The following RAD54L2 variants were observed in gnomAD, a reference collection of about 807,000 sequenced individuals.
The protein encoded by RAD54L2 is RAD54 like 2, also known as helicase ARIP4.
A neutral mutation model predicts 138.4 loss-of-function variants in RAD54L2; 27 were observed. The observed-to-expected ratio is 0.20, with a 90% CI of 0.14 to 0.27. The LOEUF (loss-of-function observed/expected upper bound fraction) is 0.27. Among genes scored for constraint, RAD54L2 ranks in the 10% least tolerant of loss-of-function variants. The probability of loss-of-function intolerance (pLI) is 1.00; values close to 1 mark genes in which losing one functional copy is unlikely to be tolerated. For synonymous variants in RAD54L2, 644 were observed against 723.2 expected, an observed-to-expected ratio of 0.89 and a Z score of 1.76; for missense variants, 1,396 against 1,890.2, an observed-to-expected ratio of 0.74 and a Z score of 4.85.
At chr3:51,630,441 A>G in intron 6 of RAD54L2, 53 bp downstream of exon 6, 1 of 1,512,898 alleles carries the variant, frequency 6.6e-7, no homozygotes. Flanking sequence ...TCATGCTGAG[A>G]TCGGCTATAC....
chr3:51,586,600 C>G (rs1699715527), intron 2 of RAD54L2, among the ~76,000 whole-genome samples: 1 of 147,230 alleles, frequency 6.8e-6, no homozygotes, highest in East Asian at 2.0e-4. Flanking sequence ...TGGAGTTTCA[C>G]TCTTGTTGCC....
intron 14 of RAD54L2, 112 bp from the exon 15 acceptor site, chr3:51,641,637 G>A (rs1701139116): frequency 3.0e-6 from 2 of 675,482 alleles, no homozygotes; most frequent in Admixed American, 2.7e-5. Flanking sequence ...TCTTTTCAGT[G>A]GTAGGTTGTG....
Position 51,638,436 on chromosome 3 carries a change from C to T in RAD54L2, c.1860+115C>T. 1 of 1,250,518 alleles carries T rather than the reference C, an allele frequency of 8.0e-7. No homozygotes were observed. The highest frequency in any genetic ancestry group is 2.8e-4 in the Middle Eastern group (1 of 3,578). The allele number at this position is 1,250,518 out of a possible 1,614,324, so 77.5% of individuals were successfully genotyped here. A position where few individuals can be genotyped will look rare whatever the true frequency, so the allele number is the denominator to read the frequency against. On this transcript the variant is annotated intron_variant, in intron 12 of 22. Coordinates refer to ENST00000684192, the MANE Select transcript of RAD54L2 (RefSeq NM_015106.4). The surrounding 1 kb of genome is among the most constrained non-coding windows in gnomAD (Gnocchi z 4.3). Reference sequence around the variant, plus strand: ...GGGAGAATAAAGTGAGAGGGGGCCACCTCAGTTCACTGCACTGGAGGTTTG... The same window carrying T: ...GGGAGAATAAAGTGAGAGGGGGCCATCTCAGTTCACTGCACTGGAGGTTTG...
At position 51,638,292 on chromosome 3, in the gene RAD54L2, C is replaced by A; in HGVS notation, c.1831C>A (p.Pro611Thr). 1 of 1,613,916 alleles carries A rather than the reference C, an allele frequency of 6.2e-7. No individual in the cohort carries two copies. Among genetic ancestry groups the A allele is most frequent in the Non-Finnish European group, 8.5e-7 (1 of 1,179,890 alleles). ...TAGCAGCGGTTGGCTGGGGCTGAAC[C>A]CCCTTAAGGCATTCTGTGTGTGTTG... is the stretch of plus-strand genomic sequence containing the variant. ...CGSSGWLGLN[P>T]LKAFCVCCKI... The change falls in exon 12 of 23, where the codon CCC becomes ACC. Residue 611 changes from proline to threonine, a missense_variant. By Grantham distance (38) the Pro-to-Thr change is conservative. Transcript: ENST00000684192. The surrounding 1 kb of genome is among the most constrained non-coding windows in gnomAD (Gnocchi z 4.3).
At chr3:51,563,350 C>G (rs1470523479) in intron 2 of RAD54L2, among the ~76,000 whole-genome samples, 2 of 152,220 alleles carry the variant, frequency 1.3e-5, no homozygotes, top group Non-Finnish European at 2.9e-5. Flanking sequence ...TCTTCTTCCT[C>G]CTTTTTAAAC....
chr3:51,587,076 C>A (rs1361888532), intron 2 of RAD54L2, among the ~76,000 whole-genome samples: 1 of 151,334 alleles, frequency 6.6e-6, no homozygotes, highest in African/African-American at 2.4e-5. Context: ...ATTAAATGAA[C>A]CAGTGACACA....
chr3:51,641,902 G>T (rs751065204), intron 15 of RAD54L2, 35 bp downstream of exon 15: 3 of 1,430,260 alleles, frequency 2.1e-6, no homozygotes, highest in Non-Finnish European at 2.9e-6. Flanking sequence ...TGAAGCCTTG[G>T]CAAGGTCTGC....
At chr3:51,600,280 T>G (rs1700052977) in intron 3 of RAD54L2, among the ~76,000 whole-genome samples, 1 of 152,132 alleles carries the variant, frequency 6.6e-6, no homozygotes. Flanking sequence ...TCTATATAGC[T>G]TCAGTGGGAC....
intron 19 of RAD54L2, 123 bp downstream of exon 19, chr3:51,646,604 C>G: frequency 1.9e-6 from 2 of 1,057,220 alleles, no homozygotes; most frequent in Non-Finnish European, 2.7e-6. Flanking sequence ...TTGACAGGCT[C>G]TGCTCTAGGG....
At position 51,601,854 on chromosome 3, in the gene RAD54L2, T is replaced by G. The variant is rs559565902; in HGVS notation, c.139+11295T>G. Among the ~76,000 whole-genome samples, 11 of 152,026 alleles carry G rather than the reference T, an allele frequency of 7.2e-5. No individual in the cohort carries two copies. The East Asian group carries it at 1.9e-3, about 27-fold the overall frequency. On this transcript the variant is annotated intron_variant, in intron 3 of 22. Transcript: ENST00000684192. ...TTTATCCATTTCATGTGTTTTTTTG[T>G]TTTTTTGTTGTTTTTTTTTTCGAGA...
At chr3:51,657,820 T>C (rs562276403) in intron 21 of RAD54L2, among the ~76,000 whole-genome samples, 151 bp downstream of exon 21, 2 of 152,092 alleles carry the variant, frequency 1.3e-5, no homozygotes, top group South Asian at 2.1e-4. Context: ...AAATAGCATT[T>C]GTAGGAGCTT....
At chr3:51,588,303 G>A (rs1699755288) in intron 2 of RAD54L2, among the ~76,000 whole-genome samples, 1 of 151,832 alleles carries the variant, frequency 6.6e-6, no homozygotes, top group South Asian at 2.1e-4. Flanking sequence ...GGGAGGCTGA[G>A]GCGGGAGGAT....
chr3:51,626,273 G>A (rs1327539868), intron 3 of RAD54L2, among the ~76,000 whole-genome samples: 1 of 151,646 alleles, frequency 6.6e-6, no homozygotes, highest in Non-Finnish European at 1.5e-5. Context: ...TGAATTTGGG[G>A]ACAGGCTTGT....
At chr3:51,577,379 A>T (rs1699503181) in intron 2 of RAD54L2, among the ~76,000 whole-genome samples, 1 of 152,180 alleles carries the variant, frequency 6.6e-6, no homozygotes, top group Admixed American at 6.6e-5. Context: ...TGCAGAGCTG[A>T]GTTCAATTCC....
chr3:51,573,836 T>A (rs1037483569), intron 2 of RAD54L2, among the ~76,000 whole-genome samples: 7 of 151,644 alleles, frequency 4.6e-5, no homozygotes, highest in Non-Finnish European at 7.4e-5. Flanking sequence ...TTTTAGAAAG[T>A]TATTTATTTA....
chr3:51,644,983 T>TA (rs781373797), intron 16 of RAD54L2, 41 bp from the exon 17 acceptor site: 1 of 1,608,066 alleles, frequency 6.2e-7, no homozygotes, highest in East Asian at 2.2e-5. Context: ...AAACCTTTTT[T>TA]AAGACTAAAG....
intron 2 of RAD54L2, among the ~76,000 whole-genome samples, chr3:51,566,295 A>G (rs539086973): frequency 4.5e-4 from 68 of 152,188 alleles, no homozygotes; most frequent in Non-Finnish European, 8.7e-4. Context: ...GACTGACAGC[A>G]TGCAACCTTA....
At chr3:51,594,342 G>A (rs1404510425) in intron 3 of RAD54L2, among the ~76,000 whole-genome samples, 1 of 151,956 alleles carries the variant, frequency 6.6e-6, no homozygotes, top group African/African-American at 2.4e-5. Flanking sequence ...CAAAGTGCTG[G>A]GATTACAGGC....
intron 2 of RAD54L2, among the ~76,000 whole-genome samples, chr3:51,567,959 AAAG>A (rs1280005858): frequency 1.3e-5 from 2 of 151,658 alleles, no homozygotes; most frequent in African/African-American, 2.4e-5. Flanking sequence ...AAAAAAAAAA[AAAG>A]AATGTCTTAA....
Sources: allele counts gnomAD v4.1 joint callset (sites outside exome capture counted in the v4.1 genomes callset), GRCh38; gene constraint gnomAD v4.1.1; non-coding constraint Gnocchi (gnomAD v3.1); transcripts MANE v1.5; gene names NCBI Gene and HGNC (gene_info 2026-07-23, HGNC 2026-07-21).